Variants in ATP6V0D2 observed in about 807,000 individuals in gnomAD.
The protein encoded by ATP6V0D2 is V-type proton ATPase subunit d 2.
ATP6V0D2 carries 40 observed loss-of-function variants against 40.0 expected under a neutral mutation model. The ratio of observed to expected loss-of-function variants is 1.00; its 90% CI spans 0.78 to 1.30. The LOEUF is 1.30. Among genes scored for constraint, ATP6V0D2 ranks in the 50% most tolerant of loss-of-function variants. The pLI is 0.00. For missense variants in ATP6V0D2, 470 were observed against 423.1 expected, an observed-to-expected ratio of 1.11 and a Z score of -0.97; for synonymous variants, 179 against 156.3, an observed-to-expected ratio of 1.15 and a Z score of -1.08.
In ATP6V0D2 at chr8:86,109,196, G is replaced by C. The variant is rs376578340; in HGVS notation, c.131-4513G>C. Among the ~76,000 whole-genome samples, 421 of 152,150 alleles carry C rather than the reference G, an allele frequency of 2.8e-3. 2 individuals carry two copies. The highest frequency in any genetic ancestry group is 8.6e-3 in the African/African-American group (356 of 41,502). ...AAGAAATCACTTTCATGTAGTAAAG[G>C]CTTTTAATTCCTACAGTAAAGAAGC... On this transcript the variant is annotated intron_variant, in intron 1 of 7. Transcript: ENST00000285393.
At position 86,099,062 on chromosome 8, in the gene ATP6V0D2, G is replaced by A. The variant is rs765263699; in HGVS notation, c.84G>A (p.Leu28=). 4 of 1,613,342 alleles carry A rather than the reference G, an allele frequency of 2.5e-6. No individual in the cohort carries two copies. The Admixed American group carries it at 5.0e-5, about 20-fold the overall frequency. The part of the protein sequence containing the change: ...GLVRGCKASL[L]TQQDYINLVQ... ...TTCGAGGATGCAAGGCCAGCCTCCT[G>A]ACCCAGCAAGACTATATCAACCTGG... The change falls in exon 1 of 8, where the codon CTG becomes CTA. Residue 28 remains leucine (L), a synonymous_variant. Coordinates refer to ENST00000285393, the MANE Select transcript of ATP6V0D2 (RefSeq NM_152565.1).
At position 86,139,473 on chromosome 8, in the gene ATP6V0D2, G is replaced by C; in HGVS notation, c.319G>C (p.Asp107His). The C allele has an allele frequency of 1.2e-6, 2 of 1,610,474 alleles. No individual in the cohort carries two copies. The highest frequency in any genetic ancestry group is 1.7e-6 in the Non-Finnish European group (2 of 1,178,632). ...CTGAACCAGGTGCAGTTATATGATA[G>C]ACAATGTGATTCTGCTGATGAATGG... is the stretch of plus-strand genomic sequence containing the variant. ...LTYMTCSYMI[D>H]NVILLMNGAL... The change falls in exon 3 of 8, where the codon GAC (aspartate) becomes CAC (histidine). Residue 107 changes from aspartate (D) to histidine (H), a missense_variant. Coordinates refer to ENST00000285393, the MANE Select transcript of ATP6V0D2 (RefSeq NM_152565.1).
chr8:86,142,620 C>A (rs796616605), intron 4 of ATP6V0D2, among the ~76,000 whole-genome samples: 4 of 152,176 alleles, frequency 2.6e-5, no homozygotes, highest in African/African-American at 9.6e-5. Context: ...TAATCCAAAA[C>A]CATGCAAAAA....
chr8:86,151,992 G>A (rs1377589598), intron 7 of ATP6V0D2, among the ~76,000 whole-genome samples: 1 of 151,768 alleles, frequency 6.6e-6, no homozygotes, highest in Non-Finnish European at 1.5e-5. Flanking sequence ...TTGTTATGTA[G>A]GTATACGTGT....
Position 86,113,298 on chromosome 8 carries a change from G to A in ATP6V0D2, c.131-411G>A, listed in dbSNP as rs188518173. Among the ~76,000 whole-genome samples, 123 of 152,098 alleles carry A rather than the reference G, an allele frequency of 8.1e-4. 1 individual carries two copies. The highest frequency in any genetic ancestry group is 2.9e-3 in the African/African-American group (121 of 41,498). On this transcript the variant is annotated intron_variant, in intron 1 of 7. Coordinates refer to ENST00000285393, the MANE Select transcript of ATP6V0D2 (RefSeq NM_152565.1). ...GTTCGAGACCAGCCTGGCCAACATG[G>A]TGAAACCCTGTCTCTACTTAAAAAA...
intron 1 of ATP6V0D2, among the ~76,000 whole-genome samples, chr8:86,107,652 T>C (rs1266762237): frequency 6.6e-6 from 1 of 152,228 alleles, no homozygotes; most frequent in Non-Finnish European, 1.5e-5. Context: ...GGCTGCAAGC[T>C]ATTTTTAGGA....
intron 5 of ATP6V0D2, among the ~76,000 whole-genome samples, chr8:86,149,167 T>C (rs1420665722): frequency 6.6e-6 from 1 of 151,288 alleles, no homozygotes; most frequent in Non-Finnish European, 1.5e-5. Context: ...TGGTAATTAC[T>C]GGGCATTTGG....
chr8:86,116,146 T>A (rs952832564), intron 2 of ATP6V0D2, among the ~76,000 whole-genome samples: 3 of 152,178 alleles, frequency 2.0e-5, no homozygotes, highest in African/African-American at 7.2e-5. Flanking sequence ...AAAATAAAAA[T>A]ATCACTCTGT....
intron 2 of ATP6V0D2, among the ~76,000 whole-genome samples, chr8:86,131,236 T>C (rs1484523676): frequency 2.6e-5 from 4 of 152,184 alleles, no homozygotes; most frequent in Admixed American, 6.5e-5. Flanking sequence ...AGTCTCACTC[T>C]GTCTCCAGGC....
intron 2 of ATP6V0D2, among the ~76,000 whole-genome samples, chr8:86,125,877 TAA>T (rs992535690): frequency 1.7e-4 from 26 of 150,770 alleles, no homozygotes; most frequent in Admixed American, 3.3e-4. Context: ...CATAAATATA[TAA>T]AGATATATTT....
At chr8:86,143,470 T>C (rs375154859) in intron 5 of ATP6V0D2, among the ~76,000 whole-genome samples, 3 of 152,324 alleles carry the variant, frequency 2.0e-5, no homozygotes. Flanking sequence ...ATTTCTTGAT[T>C]ATATGCTGAA....
At chr8:86,113,926 G>C in intron 2 of ATP6V0D2, 46 bp downstream of exon 2, 1 of 1,532,208 alleles carries the variant, frequency 6.5e-7, no homozygotes, top group South Asian at 1.3e-5. Flanking sequence ...GTACTCGTGC[G>C]GATGACCCCT....
intron 7 of ATP6V0D2, 106 bp downstream of exon 7, chr8:86,151,646 T>G: frequency 1.2e-6 from 1 of 808,592 alleles, no homozygotes; most frequent in South Asian, 1.7e-5. Context: ...GCCAATTGAT[T>G]AGGCACATTC....
At chr8:86,116,507 A>G (rs1221403351) in intron 2 of ATP6V0D2, among the ~76,000 whole-genome samples, 1 of 152,148 alleles carries the variant, frequency 6.6e-6, no homozygotes, top group Non-Finnish European at 1.5e-5. Context: ...TGCCTGGAAA[A>G]CATCATACTT....
chr8:86,137,720 C>T (rs1376055230), intron 2 of ATP6V0D2, among the ~76,000 whole-genome samples: 1 of 152,092 alleles, frequency 6.6e-6, no homozygotes, highest in Non-Finnish European at 1.5e-5. Flanking sequence ...TACACATCAC[C>T]CCAAAAACTA....
chr8:86,126,236 C>CCATATATATA (rs1331651271), intron 2 of ATP6V0D2, among the ~76,000 whole-genome samples: 1 of 77,120 alleles, frequency 1.3e-5, no homozygotes, highest in Non-Finnish European at 2.9e-5. Flanking sequence ...CGTGCTCAGC[C>CCATATATATA]TATATATATA....
rs142171777 is a variant in ATP6V0D2 at position 86,133,847 on chromosome 8, G to A, written c.303-5610G>A. Among the ~76,000 whole-genome samples, 406 of 152,072 alleles carry A rather than the reference G, an allele frequency of 2.7e-3. 1 individual carries two copies. Among genetic ancestry groups the A allele is most frequent in the African/African-American group, 9.4e-3 (391 of 41,504 alleles). On this transcript the variant is annotated intron_variant, in intron 2 of 7. Transcript: ENST00000285393. ...TTGGTGTCAATAGAGGCCACACACA[G>A]AGTAGTAATAAATCCCAGAAGGAGA...
At chr8:86,110,427 A>G (rs1177252926) in intron 1 of ATP6V0D2, among the ~76,000 whole-genome samples, 1 of 152,238 alleles carries the variant, frequency 6.6e-6, no homozygotes, top group Non-Finnish European at 1.5e-5. Context: ...TAATTGTGGT[A>G]TCAACCAAAA....
rs770252260 is a variant in ATP6V0D2, at chr8:86,098,962, C to T, written c.-17C>T. ...ACAGAGCTGTTTCACCCTACCTTGG[C>T]TTCAATCTCTTCCCCCATGCTCGAA... is the stretch of plus-strand genomic sequence containing the variant. On this transcript the variant is annotated 5_prime_UTR_variant, in exon 1 of 8. Transcript: ENST00000285393. The T allele has an allele frequency of 8.1e-6, 13 of 1,611,948 alleles. No individual in the cohort carries two copies. Among genetic ancestry groups the T allele is most frequent in the Non-Finnish European group, 1.1e-5 (13 of 1,179,150 alleles).
Sources: gnomAD v4.1 joint callset for allele counts (sites outside exome capture counted in the v4.1 genomes callset) on GRCh38, gnomAD v4.1.1 for gene constraint, MANE v1.5 for transcripts, NCBI Gene and HGNC (gene_info 2026-07-23, HGNC 2026-07-21) for gene names.